The following PDGFA variants were observed in gnomAD, a reference collection of about 807,000 sequenced individuals.
PDGFA encodes the protein platelet derived growth factor subunit A, also known as platelet-derived growth factor subunit A.
PDGFA carries 9 observed loss-of-function variants against 25.6 expected under a neutral mutation model. The ratio of observed to expected loss-of-function variants is 0.35; its 90% CI spans 0.21 to 0.61. PDGFA has a LOEUF of 0.61. Ranked by LOEUF, PDGFA falls within the 20% of genes least tolerant of loss-of-function variation. The pLI, the probability that PDGFA is intolerant of heterozygous loss-of-function variation, is 0.75. For synonymous variants in PDGFA, 133 were observed against 111.8 expected (o/e 1.19, Z -1.20); for missense variants, 242 against 272.8 (o/e 0.89, Z 0.79).
intron 3 of PDGFA, among the ~76,000 whole-genome samples, chr7:512,032 C>G (rs981150347): frequency 6.6e-6 from 1 of 152,214 alleles, no homozygotes; most frequent in Non-Finnish European, 1.5e-5. Context: ...GGGACAGGCC[C>G]CGACAAGACA....
intron 2 of PDGFA, among the ~76,000 whole-genome samples, chr7:514,333 G>T (rs28529795): frequency 6.6e-6 from 1 of 152,044 alleles, no homozygotes; most frequent in Non-Finnish European, 1.5e-5. Flanking sequence ...CAGAGAAGAC[G>T]GCAGCCGTGC....
Position 500,296 on chromosome 7 carries a change from G to A in PDGFA, c.580+820C>T. 1.1e-6 allele frequency: 1 copy of A among 952,334 alleles called. No homozygotes were observed. The highest frequency in any genetic ancestry group is 1.6e-5 in the South Asian group (1 of 63,770). 59.0% of individuals were successfully genotyped at this position (952,334 alleles called of 1,614,324 possible). A position where few individuals can be genotyped will look rare whatever the true frequency, so the allele number is the denominator to read the frequency against. ...CGGGGAGCAAGGAGACCCAAGCCCA[G>A]CAGACACCATCAAGGCCAATCAGGG... On this transcript the variant is annotated intron_variant, in intron 5 of 5. Coordinates refer to ENST00000402802, the Ensembl canonical transcript of PDGFA. The surrounding 1 kb of genome is among the most constrained non-coding windows in gnomAD (Gnocchi z 5.0).
chr7:501,280 A>G, intron 4 of PDGFA, 38 bp from the exon 5 acceptor site: 1 of 1,612,408 alleles, frequency 6.2e-7, no homozygotes, highest in Non-Finnish European at 8.5e-7. Context: ...GAATGCCTGC[A>G]TGGAGCTTCG....
chr7:515,077 A>G (rs1184249780), intron 2 of PDGFA, among the ~76,000 whole-genome samples: 1 of 152,202 alleles, frequency 6.6e-6, no homozygotes, highest in East Asian at 1.9e-4. Context: ...CTGGAGGAGG[A>G]GTCAGCATAG....
intron 4 of PDGFA, among the ~76,000 whole-genome samples, chr7:503,461 C>A (rs1023755476): frequency 1.6e-4 from 25 of 152,120 alleles, no homozygotes; most frequent in Admixed American, 1.3e-3. Context: ...AATGAGGAGA[C>A]CTCAGCCCAA....
upstream of PDGFA, chr7:520,061 GC>G: frequency 2.5e-6 from 1 of 398,234 alleles, no homozygotes; most frequent in Non-Finnish European, 5.0e-6. Flanking sequence ...ATCCATCAAA[GC>G]CCCGCGCCCG....
At chr7:505,072 C>T (rs1401361286) in intron 4 of PDGFA, among the ~76,000 whole-genome samples, 1 of 152,230 alleles carries the variant, frequency 6.6e-6, no homozygotes, top group Non-Finnish European at 1.5e-5. Flanking sequence ...CCGGGCCGTT[C>T]CGCCACCTCT....
intron 4 of PDGFA, among the ~76,000 whole-genome samples, 161 bp downstream of exon 4, chr7:510,648 T>C (rs1325135396): frequency 1.4e-4 from 7 of 49,944 alleles, no homozygotes; most frequent in East Asian, 6.3e-4. Flanking sequence ...CTTGACGCTG[T>C]GGTGGTGGAT....
chr7:515,475 G>A (rs1783047475), intron 2 of PDGFA, among the ~76,000 whole-genome samples: 2 of 152,198 alleles, frequency 1.3e-5, no homozygotes, highest in African/African-American at 4.8e-5. Flanking sequence ...GGTTTCTCTG[G>A]TTCTGTTTTC....
chr7:514,978 C>T (rs536335478), intron 2 of PDGFA, among the ~76,000 whole-genome samples: 111 of 151,550 alleles, frequency 7.3e-4, no homozygotes, highest in African/African-American at 2.6e-3. Context: ...AGACCCCAGA[C>T]GGTGCCTGGC....
intron 4 of PDGFA, among the ~76,000 whole-genome samples, chr7:508,200 AGTGGGGGGCGGGGGT>A (rs1782648731): frequency 6.6e-6 from 1 of 152,080 alleles, no homozygotes; most frequent in Non-Finnish European, 1.5e-5. Flanking sequence ...GAGTCACAAC[AGTGGGGGGCGGGGGT>A]GTGAAATAAT....
chr7:514,268 C>T (rs978330729), intron 2 of PDGFA, among the ~76,000 whole-genome samples: 1 of 152,200 alleles, frequency 6.6e-6, no homozygotes, highest in African/African-American at 2.4e-5. Context: ...ATGTGGTCTG[C>T]GTCCACAGAG....
At chr7:512,362 T>C in exon 3 of PDGFA, 1 of 1,612,706 alleles carries the variant, frequency 6.2e-7, no homozygotes, top group African/African-American at 1.3e-5. Flanking sequence ...GATGCTTCTC[T>C]TCCTCCGAAT....
Position 500,503 on chromosome 7 carries a change from T to C in PDGFA, c.580+613A>G. ...TTACCTGACTCCCTAGGCCTTCCTGTTAACAAAAGGGCAGGGCGGTGAGTG... is the reference window on the plus strand; with the variant it reads ...TTACCTGACTCCCTAGGCCTTCCTGCTAACAAAAGGGCAGGGCGGTGAGTG... On this transcript the variant is annotated intron_variant, in intron 5 of 5. Transcript: ENST00000402802. The surrounding 1 kb of genome is among the most constrained non-coding windows in gnomAD (Gnocchi z 5.0). 2 of 1,613,958 alleles carry C rather than the reference T, an allele frequency of 1.2e-6. No homozygotes were observed. The highest frequency in any genetic ancestry group is 1.7e-6 in the Non-Finnish European group (2 of 1,179,994).
intron 3 of PDGFA, among the ~76,000 whole-genome samples, chr7:511,244 G>A (rs369539315): frequency 1.7e-4 from 25 of 150,088 alleles, no homozygotes; most frequent in African/African-American, 5.0e-4. Flanking sequence ...GGGGCCAGTG[G>A]CTCGGAGGGG....
exon 1 of PDGFA, chr7:519,360 G>A (rs1783261636): frequency 3.9e-6 from 1 of 253,370 alleles, no homozygotes; most frequent in East Asian, 7.7e-5. Context: ...CTGGCTTCAG[G>A]AGCGACCCGG....
intron 4 of PDGFA, among the ~76,000 whole-genome samples, chr7:510,071 C>G (rs1484643542): frequency 6.6e-6 from 1 of 152,176 alleles, no homozygotes; most frequent in Non-Finnish European, 1.5e-5. Flanking sequence ...CACCTCGGCC[C>G]CCACTGAAGA....
chr7:498,368 A>C (rs1166452502), exon 6 of PDGFA: 1 of 548,242 alleles, frequency 1.8e-6, no homozygotes, highest in East Asian at 2.9e-5. Flanking sequence ...TGCTTCACCG[A>C]GTGCTACAAT....
intron 3 of PDGFA, among the ~76,000 whole-genome samples, chr7:511,801 G>T (rs989756370): frequency 3.3e-5 from 5 of 152,130 alleles, no homozygotes; most frequent in African/African-American, 1.2e-4. Flanking sequence ...CCATGGGGCT[G>T]TCCTGTAAGA....
Sources: gnomAD v4.1 joint callset for allele counts (sites outside exome capture counted in the v4.1 genomes callset) on GRCh38, gnomAD v4.1.1 for gene constraint, Gnocchi (gnomAD v3.1) non-coding constraint, MANE v1.5 for transcripts, NCBI Gene and HGNC (gene_info 2026-07-23, HGNC 2026-07-21) for gene names.